The following FRMD6 variants were observed in gnomAD, a reference collection of about 807,000 sequenced individuals.
FRMD6 encodes the protein FERM domain containing 6.
FRMD6 carries 37 observed loss-of-function variants against 73.2 expected under a neutral mutation model. The ratio of observed to expected loss-of-function variants is 0.51; its 90% CI spans 0.39 to 0.66. The LOEUF (loss-of-function observed/expected upper bound fraction) is 0.66, where lower values mean the gene tolerates loss of function less well. Among genes scored for constraint, FRMD6 ranks in the 30% least tolerant of loss-of-function variants. The pLI, the probability that FRMD6 is intolerant of heterozygous loss-of-function variation, is 0.00. For missense variants in FRMD6, 714 were observed against 780.5 expected (o/e 0.91, Z 1.02); for synonymous variants, 273 against 282.2 (o/e 0.97, Z 0.33).
chr14:51,502,662 T>C (rs1381452743), intron 1 of FRMD6, among the ~76,000 whole-genome samples: 1 of 152,148 alleles, frequency 6.6e-6, no homozygotes, highest in African/African-American at 2.4e-5. Context: ...TTCTTGCTTA[T>C]GATTGTCTTG....
intron 2 of FRMD6, among the ~76,000 whole-genome samples, chr14:51,696,809 G>A (rs190169370): frequency 1.3e-4 from 19 of 151,482 alleles, no homozygotes; most frequent in African/African-American, 3.4e-4. Flanking sequence ...AGACCAACTC[G>A]TTGTACAGTA....
In FRMD6 at chr14:51,703,948, A is replaced by G. The variant is rs116937184; in HGVS notation, c.372-801A>G. On this transcript the variant is annotated intron_variant, in intron 5 of 13. Coordinates refer to ENST00000344768, the MANE Select transcript of FRMD6 (RefSeq NM_001267046.2). ...AAAAGCATCCTATTTGCCAGTAAAT[A>G]TTTTTTGGAGCTTTTACCATGTTTT... Among the ~76,000 whole-genome samples, 628 of 152,176 alleles carry G rather than the reference A, an allele frequency of 4.1e-3. 3 individuals carry two copies. The highest frequency in any genetic ancestry group is 6.8e-3 in the Non-Finnish European group (465 of 67,952).
At chr14:51,472,497 G>T in the FRMD6 span, among the ~76,000 whole-genome samples, 1 of 152,104 alleles carries the variant, frequency 6.6e-6, no homozygotes, top group Non-Finnish European at 1.5e-5. Flanking sequence ...TAGAGACAGA[G>T]TTTCACCGTG....
chr14:51,707,224 T>C (rs1241752334), intron 6 of FRMD6, among the ~76,000 whole-genome samples: 1 of 152,150 alleles, frequency 6.6e-6, no homozygotes, highest in African/African-American at 2.4e-5. Flanking sequence ...CAACTGACTA[T>C]TAATTCATCA....
the FRMD6 span, among the ~76,000 whole-genome samples, chr14:51,441,654 A>G: frequency 6.6e-6 from 1 of 152,232 alleles, no homozygotes; most frequent in South Asian, 2.1e-4. Flanking sequence ...ATGGACAGAG[A>G]GAATGCAGGT....
At chr14:51,590,163 G>A (rs1889310694) in intron 2 of FRMD6, among the ~76,000 whole-genome samples, 1 of 151,634 alleles carries the variant, frequency 6.6e-6, no homozygotes, top group African/African-American at 2.4e-5. Context: ...GAAAAAAATA[G>A]GTTTGTAATT....
intron 1 of FRMD6, among the ~76,000 whole-genome samples, chr14:51,529,330 G>A (rs1202448059): frequency 6.6e-6 from 1 of 152,180 alleles, no homozygotes; most frequent in Non-Finnish European, 1.5e-5. Context: ...TCATGAAAAT[G>A]CCTATCTACT....
chr14:51,416,879 G>A, the FRMD6 span, among the ~76,000 whole-genome samples: 1 of 152,132 alleles, frequency 6.6e-6, no homozygotes, highest in African/African-American at 2.4e-5. Context: ...AGCTCTTCTT[G>A]TTGAATTGAT....
At chr14:51,600,539 C>A (rs561726433) in intron 2 of FRMD6, among the ~76,000 whole-genome samples, 2 of 152,268 alleles carry the variant, frequency 1.3e-5, no homozygotes, top group South Asian at 4.1e-4. Context: ...TCCTGACATA[C>A]CCATTTATAA....
chr14:51,633,935 G>A (rs535237647), intron 2 of FRMD6, among the ~76,000 whole-genome samples: 2 of 152,012 alleles, frequency 1.3e-5, no homozygotes, highest in Non-Finnish European at 2.9e-5. Flanking sequence ...CCATTTCTTC[G>A]GTACTTTCAA....
At chr14:51,622,927 G>A (rs922577255) in intron 2 of FRMD6, among the ~76,000 whole-genome samples, 3 of 152,022 alleles carry the variant, frequency 2.0e-5, no homozygotes, top group African/African-American at 7.3e-5. Flanking sequence ...CATCAAGCTC[G>A]GCTAATTTTT....
intron 1 of FRMD6, among the ~76,000 whole-genome samples, chr14:51,563,872 G>T (rs1180600371): frequency 6.6e-6 from 1 of 152,186 alleles, no homozygotes; most frequent in Non-Finnish European, 1.5e-5. Flanking sequence ...TACACTTAGA[G>T]ATATTTAGAA....
intron 1 of FRMD6, among the ~76,000 whole-genome samples, chr14:51,673,777 A>G (rs1204130304): frequency 6.6e-6 from 1 of 152,216 alleles, no homozygotes. Flanking sequence ...GATGCTTTTT[A>G]TACTCATTCT....
At chr14:51,479,911 G>T in the FRMD6 span, among the ~76,000 whole-genome samples, 1 of 152,164 alleles carries the variant, frequency 6.6e-6, no homozygotes. Flanking sequence ...TATTGACTTC[G>T]TGGGAAAGAA....
At chr14:51,620,875 G>C (rs746090236) in intron 2 of FRMD6, among the ~76,000 whole-genome samples, 1 of 152,122 alleles carries the variant, frequency 6.6e-6, no homozygotes, top group Non-Finnish European at 1.5e-5. Flanking sequence ...ACCAGCCTTA[G>C]AGTGCTAGGC....
At chr14:51,501,415 G>A (rs1883615084) in intron 1 of FRMD6, among the ~76,000 whole-genome samples, 1 of 152,020 alleles carries the variant, frequency 6.6e-6, no homozygotes, top group Non-Finnish European at 1.5e-5. Context: ...TCCCCACCAT[G>A]TGCCCATGCA....
chr14:51,639,842 T>C (rs1891741249), intron 2 of FRMD6, among the ~76,000 whole-genome samples: 2 of 152,300 alleles, frequency 1.3e-5, no homozygotes, highest in Admixed American at 1.3e-4. Flanking sequence ...TTAGGCAGCA[T>C]CAAAAGAGCA....
At position 51,708,070 on chromosome 14, in the gene FRMD6, C is replaced by G; in HGVS notation, c.559-8C>G. On this transcript the variant is annotated splice_region_variant and splice_polypyrimidine_tract_variant and intron_variant, in intron 6 of 13. Transcript: ENST00000344768. ...ATGTTGCATTGCACACCCCTTGTAT[C>G]CCAACAGGTTGTTTCCAAGAGGGGG... is the stretch of plus-strand genomic sequence containing the variant. 1 of 1,612,458 alleles carries G rather than the reference C, an allele frequency of 6.2e-7. No homozygotes were observed. Among genetic ancestry groups the G allele is most frequent in the Non-Finnish European group, 8.5e-7 (1 of 1,178,972 alleles).
chr14:51,479,423 A>G, the FRMD6 span, among the ~76,000 whole-genome samples: 1 of 152,344 alleles, frequency 6.6e-6, no homozygotes, highest in South Asian at 2.1e-4. Context: ...GCACTCTGCT[A>G]GCTGTGTAGG....
Sources: gnomAD v4.1 joint callset for allele counts (sites outside exome capture counted in the v4.1 genomes callset) on GRCh38, gnomAD v4.1.1 for gene constraint, MANE v1.5 for transcripts, NCBI Gene and HGNC (gene_info 2026-07-23, HGNC 2026-07-21) for gene names.